NAALADL2: variants seen among roughly 807,000 people sequenced by gnomAD.
NAALADL2 encodes the protein N-acetylated alpha-linked acidic dipeptidase like 2.
In NAALADL2, 76 loss-of-function variants were observed where a neutral mutation model predicts 87.2. The ratio of observed to expected loss-of-function variants is 0.87; its 90% CI spans 0.72 to 1.05. The LOEUF (loss-of-function observed/expected upper bound fraction) is 1.05. Ranked by LOEUF, NAALADL2 falls within the 50% of genes least tolerant of loss-of-function variation. The pLI is 0.00. For synonymous variants in NAALADL2, 354 were observed against 331.0 expected (o/e 1.07, Z -0.75); for missense variants, 1,089 against 945.8 (o/e 1.15, Z -1.99).
intron 1 of NAALADL2, among the ~76,000 whole-genome samples, chr3:174,443,725 A>C (rs1329290188): frequency 6.6e-6 from 1 of 152,190 alleles, no homozygotes; most frequent in Non-Finnish European, 1.5e-5. Flanking sequence ...GTACGTCAGC[A>C]TTATGAGATG....
rs188177845 is a variant in NAALADL2 at position 174,812,064 on chromosome 3, A to T, written c.-9+74318A>T. The stretch of plus-strand genomic sequence containing the variant: ...CTCTCTGAGGCCTCCCCAGAAGCAG[A>T]TGCTGCCCTACTTTGTGTACAGCCT... On this transcript the variant is annotated intron_variant, in intron 3 of 3. Transcript: ENST00000434257. Among the ~76,000 whole-genome samples the T allele has an allele frequency of 7.7e-3, 1,173 of 152,286 alleles. 9 individuals carry two copies. The highest frequency in any genetic ancestry group is 0.02 in the Middle Eastern group (6 of 294).
intron 3 of NAALADL2, among the ~76,000 whole-genome samples, chr3:174,852,649 T>G (rs1725380670): frequency 6.6e-6 from 1 of 152,148 alleles, no homozygotes; most frequent in African/African-American, 2.4e-5. Context: ...CAAAGCAATC[T>G]ACAGATTCAG....
At chr3:175,479,422 G>T (rs1327554047) in intron 9 of NAALADL2, among the ~76,000 whole-genome samples, 1 of 151,762 alleles carries the variant, frequency 6.6e-6, no homozygotes. Flanking sequence ...AATAGAACAT[G>T]CAGCCTTTTC....
At chr3:174,757,953 A>C (rs1712356759) in intron 3 of NAALADL2, among the ~76,000 whole-genome samples, 1 of 152,232 alleles carries the variant, frequency 6.6e-6, no homozygotes, top group Non-Finnish European at 1.5e-5. Flanking sequence ...ATAGTGAGTA[A>C]AATAGTTGAT....
chr3:174,481,218 C>T (rs1364068101), intron 1 of NAALADL2, among the ~76,000 whole-genome samples: 1 of 151,998 alleles, frequency 6.6e-6, no homozygotes, highest in African/African-American at 2.4e-5. Flanking sequence ...AGTGCAATAG[C>T]ATTAGCACTA....
intron 4 of NAALADL2, among the ~76,000 whole-genome samples, chr3:175,313,935 G>A (rs545756925): frequency 8.6e-5 from 13 of 151,810 alleles, no homozygotes; most frequent in East Asian, 5.9e-4. Context: ...GGTGGTGCGC[G>A]CCTGTAGTCC....
At chr3:174,923,376 TA>T (rs1735522231) in intron 1 of NAALADL2, among the ~76,000 whole-genome samples, 1 of 152,148 alleles carries the variant, frequency 6.6e-6, no homozygotes, top group South Asian at 2.1e-4. Flanking sequence ...TAATATTATT[TA>T]ATCAATAACT....
At chr3:175,373,832 G>T (rs1044088704) in intron 5 of NAALADL2, among the ~76,000 whole-genome samples, 5 of 152,118 alleles carry the variant, frequency 3.3e-5, no homozygotes, top group Admixed American at 6.5e-5. Context: ...CATATTGTCA[G>T]TCTTTATTTT....
intron 3 of NAALADL2, among the ~76,000 whole-genome samples, chr3:174,754,604 C>G (rs193092459): frequency 6.6e-6 from 1 of 151,518 alleles, no homozygotes; most frequent in East Asian, 1.9e-4. Flanking sequence ...CTACATCATG[C>G]CTGGGATCAA....
chr3:175,661,321 T>G (rs1420335631), intron 11 of NAALADL2, among the ~76,000 whole-genome samples: 8 of 152,018 alleles, frequency 5.3e-5, no homozygotes, highest in Non-Finnish European at 5.9e-5. Flanking sequence ...TAGAAATGTC[T>G]TTTCACGTCT....
At chr3:174,567,563 C>A (rs1714437010) in intron 2 of NAALADL2, among the ~76,000 whole-genome samples, 2 of 151,310 alleles carry the variant, frequency 1.3e-5, no homozygotes, top group South Asian at 4.2e-4. Flanking sequence ...CTATTTAATT[C>A]AATAATACAA....
intron 9 of NAALADL2, among the ~76,000 whole-genome samples, chr3:175,513,715 G>A (rs1033997670): frequency 5.3e-5 from 8 of 152,208 alleles, no homozygotes; most frequent in African/African-American, 1.9e-4. Flanking sequence ...GGATGCCAAT[G>A]TCATAGTACA....
chr3:175,152,216 A>C lies in NAALADL2; in HGVS notation c.545+54925A>C, dbSNP rs1731649323. On this transcript the variant is annotated intron_variant, in intron 2 of 13. Coordinates refer to ENST00000454872, the MANE Select transcript of NAALADL2 (RefSeq NM_207015.3). Reference sequence around the variant, plus strand: ...ATAAAGAGATCATAATATAATAAAGAGATCTAGTTTTCTGTAAGAAAAATA... The same window carrying C: ...ATAAAGAGATCATAATATAATAAAGCGATCTAGTTTTCTGTAAGAAAAATA... 5.9e-5 allele frequency among the ~76,000 whole-genome samples: 9 copies of C among 152,338 alleles called. No homozygotes were observed. In the South Asian group the frequency reaches 1.9e-3, roughly 32 times the overall value.
At chr3:174,454,634 T>C (rs1715706921) in intron 1 of NAALADL2, among the ~76,000 whole-genome samples, 1 of 152,162 alleles carries the variant, frequency 6.6e-6, no homozygotes, top group Admixed American at 6.6e-5. Flanking sequence ...TGCTCCTGAT[T>C]GACTTTTGTG....
chr3:175,443,189 G>A (rs913416475), intron 5 of NAALADL2, among the ~76,000 whole-genome samples: 2 of 152,038 alleles, frequency 1.3e-5, no homozygotes. Context: ...TTAAGCTGAA[G>A]GTAAAAAATT....
intron 1 of NAALADL2, among the ~76,000 whole-genome samples, chr3:175,011,132 TC>T (rs1749724977): frequency 6.6e-6 from 1 of 152,062 alleles, no homozygotes; most frequent in African/African-American, 2.4e-5. Context: ...TCCTCCTTGA[TC>T]CATAATTTGG....
chr3:175,136,633 T>TG (rs1729162222), intron 2 of NAALADL2, among the ~76,000 whole-genome samples: 3 of 151,538 alleles, frequency 2.0e-5, no homozygotes. Context: ...AATCCAGTTT[T>TG]TTTTTCTTTC....
intron 1 of NAALADL2, among the ~76,000 whole-genome samples, chr3:174,512,061 A>C (rs1465941948): frequency 6.6e-6 from 1 of 151,810 alleles, no homozygotes; most frequent in Non-Finnish European, 1.5e-5. Context: ...TTTATCATAC[A>C]TTTGTCATTT....
At chr3:175,049,234 A>C (rs981557879) in intron 1 of NAALADL2, among the ~76,000 whole-genome samples, 4 of 152,162 alleles carry the variant, frequency 2.6e-5, no homozygotes, top group African/African-American at 9.7e-5. Flanking sequence ...TGGGTAGCTT[A>C]TACAGCATGG....
Sources: gnomAD v4.1 joint callset for allele counts (sites outside exome capture counted in the v4.1 genomes callset) on GRCh38, gnomAD v4.1.1 for gene constraint, MANE v1.5 for transcripts, NCBI Gene and HGNC (gene_info 2026-07-23, HGNC 2026-07-21) for gene names.